Variants in GPM6B observed in about 807,000 individuals in gnomAD.
GPM6B encodes glycoprotein M6B.
In GPM6B, 4 loss-of-function variants were observed where a neutral mutation model predicts 27.2. That is an observed-to-expected ratio of 0.15 (90% CI 0.07 to 0.34). The LOEUF is 0.34. GPM6B is among the 10% of genes least tolerant of loss of function. GPM6B has a pLI of 1.00. For synonymous variants in GPM6B, 124 were observed against 103.1 expected (o/e 1.20, Z -1.23); for missense variants, 183 against 261.9 (o/e 0.70, Z 2.08).
chrX:13,845,928 G>C (rs1216788619), intron 1 of GPM6B, among the ~76,000 whole-genome samples: 1 of 112,102 alleles, frequency 8.9e-6, no homozygotes, highest in Non-Finnish European at 1.9e-5. Context: ...CTCCCACGTA[G>C]GAGGTTGTGT....
chrX:13,776,176 T>G, intron 7 of GPM6B, 62 bp downstream of exon 7: 2 of 944,080 alleles, frequency 2.1e-6, no homozygotes, highest in Non-Finnish European at 3.0e-6. Context: ...GGAAGGGAAA[T>G]CTGTCATTTA....
At chrX:13,802,670 G>A (rs1031377452) in intron 2 of GPM6B, among the ~76,000 whole-genome samples, 12 of 111,212 alleles carry the variant, frequency 1.1e-4, no homozygotes, top group Non-Finnish European at 9.4e-5. Flanking sequence ...TGAAAGAATT[G>A]ATACATTTCA....
At chrX:13,805,184 G>C (rs1021330610) in intron 2 of GPM6B, among the ~76,000 whole-genome samples, 2 of 112,187 alleles carry the variant, frequency 1.8e-5, no homozygotes, top group African/African-American at 3.2e-5. Context: ...CTCCCCCTCA[G>C]GCAAGAACCT....
chrX:13,871,974 G>C (rs974511988), intron 1 of GPM6B, among the ~76,000 whole-genome samples: 5 of 111,229 alleles, frequency 4.5e-5, no homozygotes, highest in African/African-American at 1.6e-4. Flanking sequence ...GGAGAACTGA[G>C]ATTGAGTTTA....
intron 4 of GPM6B, among the ~76,000 whole-genome samples, chrX:13,782,555 C>T (rs1475401023): frequency 2.8e-5 from 3 of 109,042 alleles, no homozygotes; most frequent in African/African-American, 1.0e-4. Context: ...AGGATTCCCA[C>T]TATTTGTGGC....
chrX:13,851,129 C>G (rs1308474071), intron 1 of GPM6B, among the ~76,000 whole-genome samples: 1 of 100,252 alleles, frequency 1.0e-5, no homozygotes, highest in Non-Finnish European at 2.0e-5. Flanking sequence ...TGCCATTGCA[C>G]TCCAACCTGG....
intron 1 of GPM6B, among the ~76,000 whole-genome samples, chrX:13,859,510 A>G (rs2049818551): frequency 9.0e-6 from 1 of 111,298 alleles, no homozygotes; most frequent in Admixed American, 9.6e-5. Context: ...GTTTGGAGCT[A>G]TTATGAATCA....
intron 7 of GPM6B, chrX:13,774,203 CA>C: frequency 1.3e-6 from 1 of 763,244 alleles, no homozygotes; most frequent in Non-Finnish European, 1.6e-6. Flanking sequence ...ATCAGGCAAT[CA>C]AAAATAACAG....
At chrX:13,896,779 G>C (rs1388304393) in intron 1 of GPM6B, among the ~76,000 whole-genome samples, 1 of 111,035 alleles carries the variant, frequency 9.0e-6, no homozygotes, top group Non-Finnish European at 1.9e-5. Flanking sequence ...TGCTAGCCAG[G>C]CTGGTCTCGA....
chrX:13,893,607 C>T (rs748632243), intron 1 of GPM6B, among the ~76,000 whole-genome samples: 1 of 112,203 alleles, frequency 8.9e-6, no homozygotes, highest in Non-Finnish European at 1.9e-5. Flanking sequence ...GCAGCCAAAA[C>T]GAAGAAAGAC....
intron 1 of GPM6B, among the ~76,000 whole-genome samples, chrX:13,869,540 G>A (rs2049953446): frequency 9.1e-6 from 1 of 110,255 alleles, no homozygotes; most frequent in South Asian, 3.8e-4. Flanking sequence ...CAAAACCATA[G>A]GGGCATCAAC....
At chrX:13,930,350 C>G (rs994367141) in intron 1 of GPM6B, among the ~76,000 whole-genome samples, 1 of 111,699 alleles carries the variant, frequency 9.0e-6, no homozygotes, top group Admixed American at 9.5e-5. Context: ...CACGGTGGCT[C>G]ACACCTATAA....
rs1555909942 is a variant in GPM6B, at chrX:13,773,978, T to TTTTC, written c.838-949_838-948insGAAA. On this transcript the variant is annotated intron_variant, in intron 7 of 7. Transcript: ENST00000316715. ...CTTTTTTTTTTTTTTTTTTTTTTTT[T>TTTTC]TCCAGAGAACTGGGTGACCTTTTTC... 1.1e-5 allele frequency: 8 copies of TTTTC among 725,394 alleles called. No individual in the cohort carries two copies. The African/African-American group carries it at 2.0e-4, about 18-fold the overall frequency. The allele number at this position is 725,394 out of a possible 1,213,427, so 59.8% of individuals were successfully genotyped here.
chrX:13,837,710 TG>T (rs771546203), intron 1 of GPM6B, among the ~76,000 whole-genome samples: 621 of 11,279 alleles, frequency 0.055, 22 homozygotes, highest in East Asian at 0.18. Flanking sequence ...AGCAAGTTGG[TG>T]GGGGGGGGGG....
intron 4 of GPM6B, among the ~76,000 whole-genome samples, chrX:13,780,583 G>C (rs866408490): frequency 8.9e-6 from 1 of 111,836 alleles, no homozygotes. Context: ...CTTAATGCTC[G>C]ATCTATAAAA....
chrX:13,861,207 G>A (rs1380198028), intron 1 of GPM6B, among the ~76,000 whole-genome samples: 8 of 109,432 alleles, frequency 7.3e-5, no homozygotes, highest in Non-Finnish European at 1.1e-4. Context: ...TTATCCACTC[G>A]TTGATTGATG....
chrX:13,891,868 A>C (rs888974231), intron 1 of GPM6B, among the ~76,000 whole-genome samples: 2 of 111,726 alleles, frequency 1.8e-5, no homozygotes, highest in African/African-American at 6.5e-5. Flanking sequence ...GCAGGGAAAA[A>C]ACAGAAGAAA....
At chrX:13,905,903 T>C (rs1438079365) in intron 1 of GPM6B, among the ~76,000 whole-genome samples, 1 of 110,903 alleles carries the variant, frequency 9.0e-6, no homozygotes, top group Non-Finnish European at 1.9e-5. Flanking sequence ...ACCCTCTGAA[T>C]CCATCTTGAT....
intron 7 of GPM6B, among the ~76,000 whole-genome samples, chrX:13,775,578 T>G (rs1015492393): frequency 1.8e-5 from 2 of 112,374 alleles, no homozygotes; most frequent in African/African-American, 6.5e-5. Context: ...AAAATGTTCA[T>G]TAGAGAAGCT....
Sources: allele counts gnomAD v4.1 joint callset (sites outside exome capture counted in the v4.1 genomes callset), GRCh38; gene constraint gnomAD v4.1.1; transcripts MANE v1.5; gene names NCBI Gene and HGNC (gene_info 2026-07-23, HGNC 2026-07-21).